The following SDK2 variants were observed in gnomAD, a reference collection of about 807,000 sequenced individuals.
SDK2 encodes sidekick cell adhesion molecule 2, also known as protein sidekick-2.
Under a neutral mutation model 253.9 loss-of-function variants are expected in SDK2, and 105 were observed. That is an observed-to-expected ratio of 0.41 (90% CI 0.35 to 0.49). SDK2 has a LOEUF of 0.49. Among genes scored for constraint, SDK2 ranks in the 20% least tolerant of loss-of-function variants. The pLI is 0.06. For synonymous variants in SDK2, 1,249 were observed against 1,234.9 expected, an observed-to-expected ratio of 1.01 and a Z score of -0.24; for missense variants, 2,608 against 3,003.0, an observed-to-expected ratio of 0.87 and a Z score of 3.07.
At chr17:73,370,028 G>A (rs1178596461) in intron 36 of SDK2, among the ~76,000 whole-genome samples, 1 of 152,162 alleles carries the variant, frequency 6.6e-6, no homozygotes, top group Admixed American at 6.5e-5. Context: ...CGGCCAGCTG[G>A]GCCCAGCCAC....
intron 18 of SDK2, among the ~76,000 whole-genome samples, chr17:73,411,475 G>A (rs1178702923): frequency 1.3e-5 from 2 of 151,856 alleles, no homozygotes; most frequent in East Asian, 1.9e-4. Flanking sequence ...AGTGCTCTCC[G>A]CTTCACAGCT....
At chr17:73,638,598 G>A (rs2046360449) in intron 1 of SDK2, among the ~76,000 whole-genome samples, 1 of 152,160 alleles carries the variant, frequency 6.6e-6, no homozygotes, top group Admixed American at 6.5e-5. Flanking sequence ...GGCAGTCAGT[G>A]TGGGGACAGG....
At position 73,511,724 on chromosome 17, in the gene SDK2, G is replaced by A. The variant is rs1274238437; in HGVS notation, c.65-4127C>T. 1.3e-5 allele frequency among the ~76,000 whole-genome samples: 2 copies of A among 152,152 alleles called. No individual in the cohort carries two copies. Among genetic ancestry groups the A allele is most frequent in the Admixed American group, 6.5e-5 (1 of 15,280 alleles). ...TGGATACAGGGATCCTGGGAGGGAC[G>A]CCCTACCTAGGACTCTGAGCAGTGA... On this transcript the variant is annotated intron_variant, in intron 1 of 44. Coordinates refer to ENST00000392650, the MANE Select transcript of SDK2 (RefSeq NM_001144952.2). The surrounding 1 kb of genome is among the most constrained non-coding windows in gnomAD (Gnocchi z 4.9).
intron 1 of SDK2, among the ~76,000 whole-genome samples, chr17:73,524,125 G>A (rs1034260533): frequency 2.0e-5 from 3 of 152,052 alleles, no homozygotes; most frequent in Non-Finnish European, 4.4e-5. Flanking sequence ...GCCTCCATTT[G>A]CCCTCCCTGG....
rs144170771 is a variant in SDK2 at position 73,395,233 on chromosome 17, G to A, written c.3514C>T (p.Arg1172Cys). 1.6e-4 allele frequency: 264 copies of A among 1,613,330 alleles called. No homozygotes were observed. The East Asian group carries it at 4.4e-3, about 27-fold the overall frequency. Reference protein sequence around the residue: ...IEDLEEWTEYRVQVQAFNAIG... With the variant: ...IEDLEEWTEYCVQVQAFNAIG... ...GCGTTGAAGGCCTGGACCTGGACGC[G>A]GTACTCTGTCCACTCCTCCAGGTCC... Residue 1172 changes from arginine to cysteine, a missense_variant, in exon 25 of 45, where the codon CGC becomes TGC. Arg to Cys is a radical substitution (Grantham distance 180). Coordinates refer to ENST00000392650, the MANE Select transcript of SDK2 (RefSeq NM_001144952.2). This position sits in a 1 kb window ranked among gnomAD's most constrained non-coding sequence, Gnocchi z 4.3.
intron 2 of SDK2, among the ~76,000 whole-genome samples, chr17:73,479,890 G>A (rs1349035458): frequency 6.6e-6 from 1 of 152,102 alleles, no homozygotes; most frequent in Non-Finnish European, 1.5e-5. Flanking sequence ...ATGGGGTTTC[G>A]CCATGTTGGC....
chr17:73,644,142 T>C lies in SDK2; in HGVS notation c.-54A>G. On this transcript the variant is annotated 5_prime_UTR_variant, in exon 1 of 45. In the 5' UTR this introduces an upstream ATG that the reference lacks. Transcript: ENST00000392650. This position sits in a 1 kb window ranked among gnomAD's most constrained non-coding sequence, Gnocchi z 6.3. ...GGTCTCCCTTCCCTCCGCCCTGTTT[T>C]ATAATCCTGGTGGGGTCCGATACCC... 1.4e-6 allele frequency: 2 copies of C among 1,451,252 alleles called. No homozygotes were observed. Among genetic ancestry groups the C allele is most frequent in the African/African-American group, 1.4e-5 (1 of 71,166 alleles). The allele number at this position is 1,451,252 out of a possible 1,614,324, so 89.9% of individuals were successfully genotyped here. A position where few individuals can be genotyped will look rare whatever the true frequency, so the allele number is the denominator to read the frequency against.
intron 1 of SDK2, among the ~76,000 whole-genome samples, chr17:73,556,344 G>T (rs199865526): frequency 4.0e-5 from 6 of 151,678 alleles, no homozygotes; most frequent in East Asian, 1.9e-4. Context: ...TGTTGTTGTT[G>T]TTTAATAAAG....
At chr17:73,454,398 T>G (rs191251118) in intron 4 of SDK2, among the ~76,000 whole-genome samples, 26 of 152,336 alleles carry the variant, frequency 1.7e-4, no homozygotes, top group East Asian at 3.9e-4. Flanking sequence ...TGGATGCAGC[T>G]CCAGTGCTGA....
intron 18 of SDK2, among the ~76,000 whole-genome samples, chr17:73,412,577 CATTA>C (rs1298493297): frequency 4.6e-5 from 7 of 152,108 alleles, no homozygotes; most frequent in African/African-American, 1.7e-4. Flanking sequence ...TAAATGAGGT[CATTA>C]GTGTGGGCCC....
Position 73,390,306 on chromosome 17 carries a change from C to G in SDK2, c.4173G>C (p.Val1391=). The change falls in exon 29 of 45, where the codon GTG becomes GTC. Residue 1391 remains valine (V), a synonymous_variant. Transcript: ENST00000392650. ...AGTCACCTCTCTTCTCGGTGGTCAC[C>G]ACCAAGGCCTCGGCAGCTTCTCCCC... is the stretch of plus-strand genomic sequence containing the variant. ...KGWGEAAEAL[V]VTTEKRDRPQ... 6.3e-7 allele frequency: 1 copy of G among 1,589,374 alleles called. No individual in the cohort carries two copies. The highest frequency in any genetic ancestry group is 1.1e-5 in the South Asian group (1 of 89,062).
rs985568264 is a variant in SDK2 at position 73,618,212 on chromosome 17, C to T, written c.64+25813G>A. On this transcript the variant is annotated intron_variant, in intron 1 of 44. Coordinates refer to ENST00000392650, the MANE Select transcript of SDK2 (RefSeq NM_001144952.2). This position sits in a 1 kb window ranked among gnomAD's most constrained non-coding sequence, Gnocchi z 4.1. ...AACCCATTCATTAGCCTGTAAATGA[C>T]GCAGCTCTTATACCTAGGAGTGTCC... Among the ~76,000 whole-genome samples the T allele has an allele frequency of 2.0e-5, 3 of 152,210 alleles. No homozygotes were observed. Among genetic ancestry groups the T allele is most frequent in the African/African-American group, 7.2e-5 (3 of 41,452 alleles).
chr17:73,500,302 C>T (rs1273742603), intron 2 of SDK2, among the ~76,000 whole-genome samples: 1 of 144,258 alleles, frequency 6.9e-6, no homozygotes, highest in African/African-American at 2.6e-5. Context: ...CCATCTCCTC[C>T]ATCCTTCTCC....
intron 1 of SDK2, among the ~76,000 whole-genome samples, chr17:73,510,975 G>T (rs2063975685): frequency 6.6e-6 from 1 of 152,150 alleles, no homozygotes; most frequent in South Asian, 2.1e-4. Context: ...TGCCTCCAGG[G>T]TCTTAGGCCA....
At chr17:73,468,640 T>C (rs1353895077) in intron 3 of SDK2, among the ~76,000 whole-genome samples, 2 of 151,944 alleles carry the variant, frequency 1.3e-5, no homozygotes, top group Non-Finnish European at 2.9e-5. Context: ...GCCTCCCAAT[T>C]AGCTGGGACT....
At chr17:73,344,717 T>G (rs1488527681) in intron 44 of SDK2, among the ~76,000 whole-genome samples, 1 of 152,132 alleles carries the variant, frequency 6.6e-6, no homozygotes, top group Non-Finnish European at 1.5e-5. Context: ...GCTGCGAGGA[T>G]CTGGGGGATG....
Position 73,443,776 on chromosome 17 carries a change from C to T in SDK2, c.614-2853G>A, listed in dbSNP as rs12939296. 0.014 allele frequency among the ~76,000 whole-genome samples: 2,068 copies of T among 152,284 alleles called. 20 individuals are homozygous for T. Among genetic ancestry groups the T allele is most frequent in the South Asian group, 0.035 (167 of 4,826 alleles). ...CCCCAGGTATCCTGGTGACTTCATCCTACTGAGTTTCAGTCTTCTCAGGGG... is the reference window on the plus strand; with the variant it reads ...CCCCAGGTATCCTGGTGACTTCATCTTACTGAGTTTCAGTCTTCTCAGGGG... On this transcript the variant is annotated intron_variant, in intron 5 of 44. Coordinates refer to ENST00000392650, the MANE Select transcript of SDK2 (RefSeq NM_001144952.2). This position sits in a 1 kb window ranked among gnomAD's most constrained non-coding sequence, Gnocchi z 4.6.
chr17:73,341,419 A>C (rs1328197596), intron 44 of SDK2, among the ~76,000 whole-genome samples: 1 of 152,014 alleles, frequency 6.6e-6, no homozygotes, highest in Non-Finnish European at 1.5e-5. Flanking sequence ...ATAAGACAAC[A>C]GATGGGCCCC....
At chr17:73,487,481 A>G (rs62074102) in intron 2 of SDK2, among the ~76,000 whole-genome samples, 66,042 of 152,072 alleles carry the variant, frequency 0.43, 14,729 homozygotes, top group East Asian at 0.53. Context: ...GGCAACTGAC[A>G]GATGGGGCGG....
Sources: gnomAD v4.1 joint callset for allele counts (sites outside exome capture counted in the v4.1 genomes callset) on GRCh38, gnomAD v4.1.1 for gene constraint, Gnocchi (gnomAD v3.1) non-coding constraint, MANE v1.5 for transcripts, NCBI Gene and HGNC (gene_info 2026-07-23, HGNC 2026-07-21) for gene names.